EBF3: variants seen among roughly 807,000 people sequenced by gnomAD.
EBF3 encodes transcription factor COE3.
EBF3 carries 18 observed loss-of-function variants against 77.1 expected under a neutral mutation model. That is an observed-to-expected ratio of 0.23 (90% CI 0.16 to 0.35). The LOEUF is 0.35. Ranked by LOEUF, EBF3 falls within the 10% of genes least tolerant of loss-of-function variation. The pLI is 1.00. For missense variants in EBF3, 558 were observed against 860.0 expected, an observed-to-expected ratio of 0.65 and a Z score of 4.39; for synonymous variants, 350 against 343.5, an observed-to-expected ratio of 1.02 and a Z score of -0.21.
rs1851811610 is a variant in EBF3, at chr10:129,863,883, G to A, written c.1039+3258C>T. Among the ~76,000 whole-genome samples, 1 of 152,114 alleles carries A rather than the reference G, an allele frequency of 6.6e-6. No individual in the cohort carries two copies. The highest frequency in any genetic ancestry group is 2.4e-5 in the African/African-American group (1 of 41,424). On this transcript the variant is annotated intron_variant, in intron 10 of 16. Coordinates refer to ENST00000440978, the MANE Select transcript of EBF3 (RefSeq NM_001375380.1). The surrounding 1 kb of genome is among the most constrained non-coding windows in gnomAD (Gnocchi z 4.0). The stretch of plus-strand genomic sequence containing the variant: ...TTCCTGTTAATGACTGGGGTGTGGG[G>A]GAGCCAATAGGTTAACCTCCAGCCA...
chr10:129,925,486 A>G lies in EBF3; in HGVS notation c.554+31772T>C, dbSNP rs185971572. Among the ~76,000 whole-genome samples, 20 of 151,622 alleles carry G rather than the reference A, an allele frequency of 1.3e-4. No individual in the cohort carries two copies. The Middle Eastern group carries it at 0.017, about 130-fold the overall frequency. ...GCATGCCTGTAATCCCAGCTACTGA[A>G]GAGGCTGAGGCAGGAGAATCACTTG... On this transcript the variant is annotated intron_variant, in intron 6 of 16. Coordinates refer to ENST00000440978, the MANE Select transcript of EBF3 (RefSeq NM_001375380.1).
At chr10:129,899,969 C>T (rs975987772) in intron 6 of EBF3, among the ~76,000 whole-genome samples, 2 of 152,190 alleles carry the variant, frequency 1.3e-5, no homozygotes, top group Admixed American at 6.5e-5. Context: ...CTGCTCTTGT[C>T]GTTGCTGCAG....
chr10:129,932,797 G>A (rs2134431206), intron 6 of EBF3, among the ~76,000 whole-genome samples: 1 of 152,234 alleles, frequency 6.6e-6, no homozygotes, highest in African/African-American at 2.4e-5. Context: ...CAGGCAGGAG[G>A]CCGAGCTTCG....
rs530402493 is a variant in EBF3 at position 129,944,033 on chromosome 10, T to C, written c.554+13225A>G. Among the ~76,000 whole-genome samples, 1 of 152,342 alleles carries C rather than the reference T, an allele frequency of 6.6e-6. No homozygotes were observed. The highest frequency in any genetic ancestry group is 2.1e-4 in the South Asian group (1 of 4,830). On this transcript the variant is annotated intron_variant, in intron 6 of 16. Coordinates refer to ENST00000440978, the MANE Select transcript of EBF3 (RefSeq NM_001375380.1). The surrounding 1 kb of genome is among the most constrained non-coding windows in gnomAD (Gnocchi z 5.1). ...TTAACATTTCATCTCTAGTGTTATG[T>C]TATTATCGCCTTTATGTTTTAATCC...
At chr10:129,895,910 C>T (rs895923074) in intron 6 of EBF3, among the ~76,000 whole-genome samples, 1 of 152,162 alleles carries the variant, frequency 6.6e-6, no homozygotes, top group Admixed American at 6.5e-5. Context: ...GTAATGGCAT[C>T]ATTTGGAGTC....
At chr10:129,853,239 C>T (rs1007216945) in intron 10 of EBF3, among the ~76,000 whole-genome samples, 1 of 152,164 alleles carries the variant, frequency 6.6e-6, no homozygotes, top group Admixed American at 6.5e-5. Context: ...TTTAGCATTG[C>T]CTCTCCATTG....
intron 6 of EBF3, among the ~76,000 whole-genome samples, chr10:129,920,634 A>T (rs1690288918): frequency 6.6e-6 from 1 of 152,246 alleles, no homozygotes; most frequent in Admixed American, 6.5e-5. Flanking sequence ...AAAGGAAGAC[A>T]TGACTCCAGT....
chr10:129,880,520 T>C (rs763171193), intron 6 of EBF3, among the ~76,000 whole-genome samples: 6 of 152,136 alleles, frequency 3.9e-5, no homozygotes, highest in Non-Finnish European at 8.8e-5. Flanking sequence ...CACACACACA[T>C]GCATTCTTGC....
At chr10:129,872,178 C>T (rs1272012664) in intron 8 of EBF3, among the ~76,000 whole-genome samples, 1 of 152,162 alleles carries the variant, frequency 6.6e-6, no homozygotes, top group Non-Finnish European at 1.5e-5. Flanking sequence ...GAAAGCTCCA[C>T]TCTCTAGGGA....
chr10:129,957,037 T>C lies in EBF3; in HGVS notation c.554+221A>G, dbSNP rs866758046. On this transcript the variant is annotated intron_variant, in intron 6 of 16. Coordinates refer to ENST00000440978, the MANE Select transcript of EBF3 (RefSeq NM_001375380.1). ...GCAGTGGCAGATGAAACTGCTTCCC[T>C]TGACAACTCACAAGCAATTACTGAA... Among the ~76,000 whole-genome samples the C allele has an allele frequency of 5.3e-5, 8 of 152,324 alleles. No homozygotes were observed. In the South Asian group the frequency reaches 6.2e-4, roughly 12 times the overall value.
rs144057415 is a variant in EBF3 at position 129,925,048 on chromosome 10, G to A, written c.554+32210C>T. 2.5e-3 allele frequency among the ~76,000 whole-genome samples: 378 copies of A among 151,646 alleles called. 6 individuals carry two copies. Among genetic ancestry groups the A allele is most frequent in the African/African-American group, 8.4e-3 (345 of 41,300 alleles). ...AAGCCACCCAAGTATCCATCAATGG[G>A]TGAATGGATAAGCAAAATGTGGTGT... is the stretch of plus-strand genomic sequence containing the variant. On this transcript the variant is annotated intron_variant, in intron 6 of 16. Transcript: ENST00000440978.
intron 6 of EBF3, among the ~76,000 whole-genome samples, chr10:129,882,278 T>G (rs1250757429): frequency 6.6e-6 from 1 of 152,262 alleles, no homozygotes; most frequent in Admixed American, 6.5e-5. Flanking sequence ...TTGTGTAAAT[T>G]GGCCCTTTGT....
At chr10:129,917,420 C>T (rs909913148) in intron 6 of EBF3, among the ~76,000 whole-genome samples, 1 of 151,900 alleles carries the variant, frequency 6.6e-6, no homozygotes, top group African/African-American at 2.4e-5. Flanking sequence ...TATTCCACCT[C>T]GGCATTTAAT....
At chr10:129,838,209 C>CTTCTT (rs1212807534) in intron 16 of EBF3, among the ~76,000 whole-genome samples, 1 of 151,808 alleles carries the variant, frequency 6.6e-6, no homozygotes, top group African/African-American at 2.4e-5. Flanking sequence ...TCTTTAAAGG[C>CTTCTT]TTCTTTTGGA....
rs1479252375 is a variant in EBF3, at chr10:129,841,650, G to A, written c.1372+466C>T. Among the ~76,000 whole-genome samples the A allele has an allele frequency of 2.0e-5, 3 of 152,224 alleles. No homozygotes were observed. In the East Asian group the frequency reaches 5.8e-4, roughly 29 times the overall value. The stretch of plus-strand genomic sequence containing the variant: ...TGGCAAGATGCAGCGGCCTTGGCTG[G>A]CCCAGGACACTGCACTGTGGGATGG... On this transcript the variant is annotated intron_variant, in intron 13 of 16. Coordinates refer to ENST00000440978, the MANE Select transcript of EBF3 (RefSeq NM_001375380.1). This position sits in a 1 kb window ranked among gnomAD's most constrained non-coding sequence, Gnocchi z 4.6.
intron 6 of EBF3, among the ~76,000 whole-genome samples, chr10:129,888,771 G>T (rs1301516683): frequency 6.6e-6 from 1 of 152,216 alleles, no homozygotes; most frequent in Admixed American, 6.5e-5. Context: ...TTTGGCAACA[G>T]TAAAATTATA....
intron 4 of EBF3, among the ~76,000 whole-genome samples, chr10:129,961,377 A>C (rs1859508895): frequency 6.6e-6 from 1 of 152,120 alleles, no homozygotes; most frequent in Non-Finnish European, 1.5e-5. Context: ...AATCAACAAC[A>C]ACACACCACC....
intron 6 of EBF3, among the ~76,000 whole-genome samples, chr10:129,911,941 C>A (rs1159918164): frequency 5.3e-5 from 8 of 152,118 alleles, no homozygotes; most frequent in African/African-American, 1.9e-4. Flanking sequence ...GCTGCTTCCT[C>A]CCCAGAGCAA....
chr10:129,958,266 G>C (rs1038837086), intron 5 of EBF3, among the ~76,000 whole-genome samples: 4 of 152,212 alleles, frequency 2.6e-5, no homozygotes, highest in African/African-American at 9.7e-5. Flanking sequence ...CTGTAGCCTG[G>C]AAGCCTGCAA....
Sources: gnomAD v4.1 joint callset for allele counts (sites outside exome capture counted in the v4.1 genomes callset) on GRCh38, gnomAD v4.1.1 for gene constraint, Gnocchi (gnomAD v3.1) non-coding constraint, MANE v1.5 for transcripts, NCBI Gene and HGNC (gene_info 2026-07-23, HGNC 2026-07-21) for gene names.